RFLNA: variants seen among roughly 807,000 people sequenced by gnomAD.
RFLNA encodes the protein refilin A.
In RFLNA, 5 loss-of-function variants were observed where a neutral mutation model predicts 7.8. The observed-to-expected ratio is 0.64, with a 90% CI of 0.34 to 1.35. The LOEUF is 1.35. Among genes scored for constraint, RFLNA ranks in the 40% most tolerant of loss-of-function variants. RFLNA has a pLI of 0.04. For synonymous variants in RFLNA, 141 were observed against 131.3 expected (o/e 1.07, Z -0.50); for missense variants, 278 against 305.5 (o/e 0.91, Z 0.67).
At position 124,314,083 on chromosome 12, in the gene RFLNA, G is replaced by A. The variant is rs1046220940; in HGVS notation, c.318-109G>A. The A allele has an allele frequency of 2.7e-5, 38 of 1,382,848 alleles. No homozygotes were observed. In the Admixed American group the frequency reaches 3.1e-4, roughly 11 times the overall value. 85.7% of individuals were successfully genotyped at this position (1,382,848 alleles called of 1,614,324 possible). On this transcript the variant is annotated intron_variant, in intron 2 of 2. Transcript: ENST00000546355. ...TGACATTTCAGAGCAGCCCACACCCGTTAGGCTTCAGAGCATCTGCCCAGG... is the reference window on the plus strand; with the variant it reads ...TGACATTTCAGAGCAGCCCACACCCATTAGGCTTCAGAGCATCTGCCCAGG...
chr12:124,295,477 GC>G lies in RFLNA; in HGVS notation c.49del (p.Gln17ArgfsTer66). On this transcript the variant is annotated frameshift_variant, in exon 1 of 3. Coordinates refer to ENST00000546355, the MANE Select transcript of RFLNA (RefSeq NM_001365156.1). LOFTEE classifies it high-confidence loss of function. ...AGGGCATGGAGGACAGCCTGAAGGA[GC>G]AGGGCCGGGAGGGCTTGCTGGACAG... ...LQGMEDSLKE[Q>X]GREGLLDSPD... 7.8e-7 allele frequency: 1 copy of G among 1,273,926 alleles called. No homozygotes were observed. The highest frequency in any genetic ancestry group is 9.9e-7 in the Non-Finnish European group (1 of 1,012,880). The allele number at this position is 1,273,926 out of a possible 1,614,324, so 78.9% of individuals were successfully genotyped here.
At position 124,306,912 on chromosome 12, in the gene RFLNA, G is replaced by A. The variant is rs2034146677; in HGVS notation, c.208-4906G>A. Among the ~76,000 whole-genome samples the A allele has an allele frequency of 6.6e-6, 1 of 152,114 alleles. No homozygotes were observed. The highest frequency in any genetic ancestry group is 2.4e-5 in the African/African-American group (1 of 41,412). On this transcript the variant is annotated intron_variant, in intron 1 of 2. Transcript: ENST00000546355. This position sits in a 1 kb window ranked among gnomAD's most constrained non-coding sequence, Gnocchi z 5.2. ...TGTCCACCCTCCACTCCCTCTGCCC[G>A]AGGCCGGTGTGCATGTGGTCACCAT...
chr12:124,300,019 T>C (rs1364373457), intron 1 of RFLNA, among the ~76,000 whole-genome samples: 2 of 152,248 alleles, frequency 1.3e-5, no homozygotes, highest in South Asian at 2.1e-4. Flanking sequence ...CTGTGCCATC[T>C]TACTGCACTC....
At position 124,314,057 on chromosome 12, in the gene RFLNA, T is replaced by C. The variant is rs146502129; in HGVS notation, c.318-135T>C. On this transcript the variant is annotated intron_variant, in intron 2 of 2. Transcript: ENST00000546355. ...CAGTCCTTCTTTGACCTTCTTGACCTTGACATTTCAGAGCAGCCCACACCC... is the reference window on the plus strand; with the variant it reads ...CAGTCCTTCTTTGACCTTCTTGACCCTGACATTTCAGAGCAGCCCACACCC... The C allele has an allele frequency of 2.3e-3, 2,735 of 1,195,582 alleles. 66 individuals are homozygous for C. The African/African-American group carries it at 0.038, about 16-fold the overall frequency. The allele number at this position is 1,195,582 out of a possible 1,614,324, so 74.1% of individuals were successfully genotyped here.
rs1352834643 is a variant in RFLNA at position 124,289,912 on chromosome 12, C to A, written c.-37+542C>A. Among the ~76,000 whole-genome samples, 1 of 152,214 alleles carries A rather than the reference C, an allele frequency of 6.6e-6. No individual in the cohort carries two copies. Among genetic ancestry groups the A allele is most frequent in the South Asian group, 2.1e-4 (1 of 4,830 alleles). On this transcript the variant is annotated intron_variant, in intron 1 of 2. Coordinates refer to the RFLNA transcript ENST00000324038. The surrounding 1 kb of genome is among the most constrained non-coding windows in gnomAD (Gnocchi z 5.0). The stretch of plus-strand genomic sequence containing the variant: ...CAGAGTCCCAGGTCTCACGGTTGTA[C>A]AGTCACCGGGACCTTCACTCTGAAA...
chr12:124,296,098 TTC>T (rs1341195523), intron 1 of RFLNA, among the ~76,000 whole-genome samples: 2 of 5,388 alleles, frequency 3.7e-4, no homozygotes, highest in African/African-American at 5.4e-4. Flanking sequence ...CTTTCTTTCT[TTC>T]TTTCTTTCTT....
At chr12:124,298,123 A>G (rs944385482) in intron 1 of RFLNA, among the ~76,000 whole-genome samples, 1 of 152,194 alleles carries the variant, frequency 6.6e-6, no homozygotes, top group African/African-American at 2.4e-5. Flanking sequence ...CTATCCAGTG[A>G]ACGACACCAC....
At chr12:124,309,291 T>C (rs1343682446) in intron 1 of RFLNA, among the ~76,000 whole-genome samples, 1 of 152,176 alleles carries the variant, frequency 6.6e-6, no homozygotes, top group Non-Finnish European at 1.5e-5. Context: ...GTGCCCTCAT[T>C]GCCCTGTCGA....
intron 2 of RFLNA, among the ~76,000 whole-genome samples, chr12:124,312,469 G>C (rs548399986): frequency 3.1e-4 from 47 of 151,830 alleles, no homozygotes; most frequent in Non-Finnish European, 5.2e-4. Context: ...CGCCCCCATG[G>C]CCAGCTAATT....
At chr12:124,311,760 A>T (rs2034247561) in intron 1 of RFLNA, 58 bp from the exon 2 acceptor site, 14 of 1,417,918 alleles carry the variant, frequency 9.9e-6, no homozygotes, top group Non-Finnish European at 1.3e-5. Context: ...CCCAGCAGGG[A>T]GCTGAGGCCA....
In RFLNA at chr12:124,295,563, C is replaced by T; in HGVS notation, c.134C>T (p.Pro45Leu). ...SPSPPFYSLA[P>L]GILDARAGGA... is the part of the protein sequence containing the mutation. ...AGCCCGCCCTTCTACTCCCTGGCGC[C>T]CGGCATCCTCGACGCGCGCGCGGGG... The change falls in exon 1 of 3, where the codon CCC (proline) becomes CTC (leucine). Residue 45 changes from proline (P) to leucine (L), a missense_variant. Coordinates refer to ENST00000546355, the MANE Select transcript of RFLNA (RefSeq NM_001365156.1). The T allele has an allele frequency of 3.3e-6, 4 of 1,223,236 alleles. No homozygotes were observed. Among genetic ancestry groups the T allele is most frequent in the Non-Finnish European group, 4.1e-6 (4 of 984,358 alleles). 75.8% of individuals were successfully genotyped at this position (1,223,236 alleles called of 1,614,324 possible).
upstream of RFLNA, among the ~76,000 whole-genome samples, chr12:124,290,960 C>A (rs2033816431): frequency 1.3e-5 from 2 of 152,196 alleles, no homozygotes; most frequent in African/African-American, 4.8e-5. This position sits in a 1 kb window ranked among gnomAD's most constrained non-coding sequence, Gnocchi z 4.0. Flanking sequence ...CCTTCCTTGT[C>A]TGTAAGCCTC....
At position 124,296,132 on chromosome 12, in the gene RFLNA, C is replaced by CTT. The variant is rs1566320109; in HGVS notation, c.207+497_207+498insTT. Among the ~76,000 whole-genome samples, 15 of 2,506 alleles carry CTT rather than the reference C, an allele frequency of 6.0e-3. 2 individuals are homozygous for CTT. Among genetic ancestry groups the CTT allele is most frequent in the Admixed American group, 0.018 (2 of 114 alleles). 1.6% of individuals were successfully genotyped at this position (2,506 alleles called of 152,430 possible). A position where few individuals can be genotyped will look rare whatever the true frequency, so the allele number is the denominator to read the frequency against. On this transcript the variant is annotated intron_variant, in intron 1 of 2. Coordinates refer to ENST00000546355, the MANE Select transcript of RFLNA (RefSeq NM_001365156.1). ...TCTTTCTTTCTTTCTTTCTCTCTCTCTCTCTCTTCTTCTCTTCTCTTCTCT... is the reference window on the plus strand; with the variant it reads ...TCTTTCTTTCTTTCTTTCTCTCTCTCTTTCTCTCTTCTTCTCTTCTCTTCTCT...
At position 124,295,346 on chromosome 12, in the gene RFLNA, C is replaced by CCCG. The variant is rs956430991; in HGVS notation, c.-75_-73dup. 10 of 841,488 alleles carry CCCG rather than the reference C, an allele frequency of 1.2e-5. No individual in the cohort carries two copies. Among genetic ancestry groups the CCCG allele is most frequent in the Non-Finnish European group, 1.6e-5 (10 of 640,618 alleles). 52.1% of individuals were successfully genotyped at this position (841,488 alleles called of 1,614,324 possible). A position where few individuals can be genotyped will look rare whatever the true frequency, so the allele number is the denominator to read the frequency against. ...AGGTCCCCGGGCGCGCAGCTCTCGC[C>CCCG]CCGCCGCCGCCTGCCCCGGGCCCCG... On this transcript the variant is annotated 5_prime_UTR_variant, in exon 1 of 3. Transcript: ENST00000546355.
chr12:124,292,758 C>A (rs74780544), upstream of RFLNA, among the ~76,000 whole-genome samples: 1 of 152,108 alleles, frequency 6.6e-6, no homozygotes, highest in African/African-American at 2.4e-5. Flanking sequence ...TCTTGATAAG[C>A]GGGCTTCTAG....
rs1278606773 is a variant in RFLNA at position 124,314,442 on chromosome 12, C to G, written c.568C>G (p.Pro190Ala). 2.5e-6 allele frequency: 4 copies of G among 1,602,510 alleles called. No individual in the cohort carries two copies. In the East Asian group the frequency reaches 6.7e-5, roughly 27 times the overall value. The change falls in exon 3 of 3, where the codon CCC (proline) becomes GCC (alanine). Residue 190 changes from proline to alanine, a missense_variant. Coordinates refer to ENST00000546355, the MANE Select transcript of RFLNA (RefSeq NM_001365156.1). ...RTTLHCSLGRPSRWFTASVQL... is the reference protein window; with the variant it reads ...RTTLHCSLGRASRWFTASVQL... ...CACCCTGCACTGCAGCCTGGGCCGG[C>G]CCAGCCGCTGGTTCACCGCCAGCGT...
At chr12:124,311,952 C>A (rs374813587) in intron 2 of RFLNA, 25 bp downstream of exon 2, 5 of 336,916 alleles carry the variant, frequency 1.5e-5, no homozygotes, top group Non-Finnish European at 2.7e-5. Flanking sequence ...GGGCTCTGCG[C>A]GGGAGGAGGG....
At chr12:124,290,450 A>G (rs111205137), upstream of RFLNA, among the ~76,000 whole-genome samples, 616 of 152,074 alleles carry the variant, frequency 4.1e-3, 3 homozygotes, top group African/African-American at 0.014. The surrounding 1 kb of genome is among the most constrained non-coding windows in gnomAD (Gnocchi z 4.0). Context: ...GTGTATGTGT[A>G]TATATGTATT....
chr12:124,295,004 G>A (rs993954346), upstream of RFLNA, among the ~76,000 whole-genome samples: 16 of 151,720 alleles, frequency 1.1e-4, no homozygotes, highest in African/African-American at 3.6e-4. Flanking sequence ...GCGCCGGGCC[G>A]GGGCTGTTGC....
Sources: allele counts gnomAD v4.1 joint callset (sites outside exome capture counted in the v4.1 genomes callset), GRCh38; gene constraint gnomAD v4.1.1; non-coding constraint Gnocchi (gnomAD v3.1); transcripts MANE v1.5; gene names NCBI Gene and HGNC (gene_info 2026-07-23, HGNC 2026-07-21).